Variants in AGO2 observed in about 807,000 individuals in gnomAD.
The protein encoded by AGO2 is protein argonaute-2.
Under a neutral mutation model 102.3 loss-of-function variants are expected in AGO2, and 5 were observed. The observed-to-expected ratio is 0.05, with a 90% CI of 0.03 to 0.10. The LOEUF (loss-of-function observed/expected upper bound fraction) is 0.10. Among genes scored for constraint, AGO2 ranks in the 10% least tolerant of loss-of-function variants. The pLI, the probability that AGO2 is intolerant of heterozygous loss-of-function variation, is 1.00. For synonymous variants in AGO2, 449 were observed against 473.1 expected (o/e 0.95, Z 0.66); for missense variants, 541 against 1,183.7 (o/e 0.46, Z 7.97).
intron 1 of AGO2, among the ~76,000 whole-genome samples, chr8:140,629,637 C>A (rs2074317312): frequency 6.6e-6 from 1 of 151,692 alleles, no homozygotes; most frequent in South Asian, 2.1e-4. Context: ...TCCAGGAGCT[C>A]CAGAACAGCC....
chr8:140,584,504 G>A (rs1048555993), intron 2 of AGO2, among the ~76,000 whole-genome samples: 5 of 152,106 alleles, frequency 3.3e-5, no homozygotes, highest in East Asian at 1.9e-4. Context: ...TAAGAGAGAC[G>A]AAAACACCTC....
At chr8:140,533,389 CAAAA>C (rs371478800) in intron 17 of AGO2, among the ~76,000 whole-genome samples, 5 of 96,226 alleles carry the variant, frequency 5.2e-5, no homozygotes, top group Non-Finnish European at 4.4e-5. Flanking sequence ...ACTCCGTCTC[CAAAA>C]AAAAAAAAAA....
rs930062366 is a variant in AGO2 at position 140,521,763 on chromosome 8, G to C, written c.*10281C>G. The C allele has an allele frequency of 9.9e-5, 15 of 152,214 alleles. No homozygotes were observed. 9.4% of individuals were successfully genotyped at this position (152,214 alleles called of 1,614,324 possible). On this transcript the variant is annotated 3_prime_UTR_variant, in exon 19 of 19. Transcript: ENST00000220592. ...TCCATGGCCATTAGCACCTCCACCA[G>C]GTAGGTCAGGAGAGATGAAATCGAC...
chr8:140,547,067 C>T (rs2072913840), intron 13 of AGO2, among the ~76,000 whole-genome samples: 1 of 152,222 alleles, frequency 6.6e-6, no homozygotes, highest in South Asian at 2.1e-4. Flanking sequence ...TCTAAAGTCC[C>T]AGCACGACGC....
At chr8:140,612,464 A>C (rs1029943858) in intron 1 of AGO2, among the ~76,000 whole-genome samples, 5 of 151,954 alleles carry the variant, frequency 3.3e-5, no homozygotes, top group Non-Finnish European at 5.9e-5. Context: ...CCTGACTTTC[A>C]AGAAACTATT....
intron 1 of AGO2, among the ~76,000 whole-genome samples, chr8:140,612,415 T>G (rs1309070569): frequency 6.6e-6 from 1 of 152,116 alleles, no homozygotes; most frequent in Non-Finnish European, 1.5e-5. Context: ...ACAGGATCCA[T>G]TCGGGCTGCA....
At chr8:140,564,885 C>T (rs956991786) in intron 3 of AGO2, among the ~76,000 whole-genome samples, 5 of 152,214 alleles carry the variant, frequency 3.3e-5, no homozygotes, top group African/African-American at 9.7e-5. Flanking sequence ...CCTGTAATCC[C>T]AGCACTTTGG....
upstream of AGO2, chr8:140,636,821 A>G (rs2074413574): frequency 6.6e-6 from 1 of 152,286 alleles, no homozygotes; most frequent in Non-Finnish European, 1.5e-5. Context: ...TGTGCATGGC[A>G]TTCTTCATCA....
rs150811622 is a variant in AGO2, at chr8:140,539,413, G to A, written c.2076C>T (p.Ile692=). 1,068 of 1,614,070 alleles carry A rather than the reference G, an allele frequency of 6.6e-4. 10 individuals are homozygous for A. Among genetic ancestry groups the A allele is most frequent in the Non-Finnish European group, 1.1e-4 (128 of 1,179,986 alleles). ...CGGGCTGGTAGTCTTTTTCTAGCTT[G>A]ATACAGGCCTCACGGATGGCCAGCA... ...HELLAIREAC[I]KLEKDYQPGI... Residue 692 remains isoleucine, a synonymous_variant, in exon 16 of 19, where the codon ATC becomes ATT. Coordinates refer to ENST00000220592, the MANE Select transcript of AGO2 (RefSeq NM_012154.5). The surrounding 1 kb of genome is among the most constrained non-coding windows in gnomAD (Gnocchi z 4.7).
chr8:140,580,613 T>C lies in AGO2; in HGVS notation c.215+4506A>G, dbSNP rs534824655. ...CTCCCCACTGGGGACAGGAGCCATGTCTGCCTCAGCCACCACTGCACCCCC... is the reference window on the plus strand; with the variant it reads ...CTCCCCACTGGGGACAGGAGCCATGCCTGCCTCAGCCACCACTGCACCCCC... On this transcript the variant is annotated intron_variant, in intron 2 of 18. Coordinates refer to ENST00000220592, the MANE Select transcript of AGO2 (RefSeq NM_012154.5). Among the ~76,000 whole-genome samples, 257 of 152,334 alleles carry C rather than the reference T, an allele frequency of 1.7e-3. 3 individuals are homozygous for C. The highest frequency in any genetic ancestry group is 3.1e-3 in the South Asian group (15 of 4,830).
At chr8:140,562,431 T>C in intron 4 of AGO2, 22 bp downstream of exon 4, 1 of 1,598,394 alleles carries the variant, frequency 6.3e-7, no homozygotes, top group East Asian at 2.2e-5. Flanking sequence ...CCCCCGCCCT[T>C]GGTCCCGTGT....
In AGO2 at chr8:140,525,337, C is replaced by G. The variant is rs2132837071; in HGVS notation, c.*6707G>C. The G allele has an allele frequency of 6.6e-6, 1 of 152,128 alleles. No homozygotes were observed. Among genetic ancestry groups the G allele is most frequent in the East Asian group, 1.9e-4 (1 of 5,138 alleles). The allele number at this position is 152,128 out of a possible 1,614,324, so 9.4% of individuals were successfully genotyped here. A position where few individuals can be genotyped will look rare whatever the true frequency, so the allele number is the denominator to read the frequency against. On this transcript the variant is annotated 3_prime_UTR_variant, in exon 19 of 19. Transcript: ENST00000220592. ...AGGGGCGAGCGGCTGTGCAGTGTCCCCTCGAAACACCCTGGACCAGATTCT... is the reference window on the plus strand; with the variant it reads ...AGGGGCGAGCGGCTGTGCAGTGTCCGCTCGAAACACCCTGGACCAGATTCT...
Position 140,585,845 on chromosome 8 carries a change from A to G in AGO2, c.23-534T>C, listed in dbSNP as rs1392272106. On this transcript the variant is annotated intron_variant, in intron 1 of 18. Transcript: ENST00000220592. ...AAAAAAAGACAACCCTTCTCCATTT[A>G]AAAAAAATCACATGTACTTCAATCC... Among the ~76,000 whole-genome samples, 6 of 152,130 alleles carry G rather than the reference A, an allele frequency of 3.9e-5. No homozygotes were observed. In the South Asian group the frequency reaches 1.2e-3, roughly 31 times the overall value.
intron 1 of AGO2, among the ~76,000 whole-genome samples, chr8:140,632,469 A>G (rs982159298): frequency 1.3e-5 from 2 of 152,252 alleles, no homozygotes; most frequent in African/African-American, 4.8e-5. Context: ...AGCTCTTCTC[A>G]AAGTCACAAT....
chr8:140,589,641 G>A lies in AGO2; in HGVS notation c.23-4330C>T, dbSNP rs995406978. Reference sequence around the variant, plus strand: ...TTACACTGGGCATCAGCCAGAAAACGTGCAGGCCAAAGAAAGTGAGAAGGA... The same window carrying A: ...TTACACTGGGCATCAGCCAGAAAACATGCAGGCCAAAGAAAGTGAGAAGGA... On this transcript the variant is annotated intron_variant, in intron 1 of 18. Transcript: ENST00000220592. This position sits in a 1 kb window ranked among gnomAD's most constrained non-coding sequence, Gnocchi z 4.2. 2.0e-5 allele frequency among the ~76,000 whole-genome samples: 3 copies of A among 152,138 alleles called. No individual in the cohort carries two copies. The highest frequency in any genetic ancestry group is 7.2e-5 in the African/African-American group (3 of 41,432).
intron 10 of AGO2, among the ~76,000 whole-genome samples, chr8:140,551,970 T>C (rs1324821477): frequency 2.0e-5 from 3 of 151,902 alleles, no homozygotes; most frequent in African/African-American, 7.3e-5. Context: ...TGGATGGAGT[T>C]AGATGGAGGA....
chr8:140,635,340 C>T (rs1399076157), intron 1 of AGO2, 145 bp downstream of exon 1: 14 of 469,386 alleles, frequency 3.0e-5, no homozygotes, highest in Non-Finnish European at 3.9e-5. Flanking sequence ...CCCCCAAGCG[C>T]GGCCCCGGCT....
At chr8:140,556,999 G>C in intron 8 of AGO2, 90 bp downstream of exon 8, 2 of 1,498,470 alleles carry the variant, frequency 1.3e-6, no homozygotes, top group Non-Finnish European at 9.0e-7. Flanking sequence ...TATCTGACTG[G>C]GGCCTCGGCG....
chr8:140,576,470 A>C (rs761512057), intron 2 of AGO2, among the ~76,000 whole-genome samples: 1 of 152,262 alleles, frequency 6.6e-6, no homozygotes, highest in Non-Finnish European at 1.5e-5. Context: ...TTCAATGAGC[A>C]AAATATTTGA....
Sources: allele counts gnomAD v4.1 joint callset (sites outside exome capture counted in the v4.1 genomes callset), GRCh38; gene constraint gnomAD v4.1.1; non-coding constraint Gnocchi (gnomAD v3.1); transcripts MANE v1.5; gene names NCBI Gene and HGNC (gene_info 2026-07-23, HGNC 2026-07-21).